MCTP1: variants seen among roughly 807,000 people sequenced by gnomAD.
MCTP1 encodes the protein multiple C2 and transmembrane domain containing 1, also known as multiple C2 and transmembrane domain-containing protein 1.
MCTP1 carries 69 observed loss-of-function variants against 120.6 expected under a neutral mutation model. The observed-to-expected ratio is 0.57, with a 90% CI of 0.47 to 0.70. The LOEUF is 0.70. MCTP1 is among the 30% of genes least tolerant of loss of function. The probability of loss-of-function intolerance (pLI) is 0.00; values close to 1 mark genes in which losing one functional copy is unlikely to be tolerated. For missense variants in MCTP1, 1,203 were observed against 1,248.8 expected, an observed-to-expected ratio of 0.96 and a Z score of 0.55; for synonymous variants, 529 against 493.1, an observed-to-expected ratio of 1.07 and a Z score of -0.96.
intron 1 of MCTP1, among the ~76,000 whole-genome samples, chr5:95,245,744 A>G (rs1405061067): frequency 2.0e-5 from 3 of 152,210 alleles, no homozygotes; most frequent in African/African-American, 4.8e-5. Context: ...GAACCAAGCT[A>G]GAAAACGCTC....
intron 19 of MCTP1, among the ~76,000 whole-genome samples, chr5:94,766,251 T>C (rs530081720): frequency 3.0e-4 from 45 of 152,168 alleles, no homozygotes; most frequent in Non-Finnish European, 5.7e-4. Flanking sequence ...CCATCTCAAA[T>C]AGCAAAGACT....
At chr5:95,088,856 A>C (rs1053576199) in intron 1 of MCTP1, among the ~76,000 whole-genome samples, 5 of 152,188 alleles carry the variant, frequency 3.3e-5, no homozygotes, top group African/African-American at 9.6e-5. Context: ...TACAACCAGG[A>C]GGGGACATAA....
rs1366760932 is a variant in MCTP1, at chr5:95,099,124, A to G, written c.721-81640T>C. On this transcript the variant is annotated intron_variant, in intron 1 of 22. Coordinates refer to ENST00000515393, the MANE Select transcript of MCTP1 (RefSeq NM_024717.7). ...TACACCTTATACAAAAATCAATTCA[A>G]GATGGATTAAAGACTTAAACGTTAG... Among the ~76,000 whole-genome samples, 5 of 152,158 alleles carry G rather than the reference A, an allele frequency of 3.3e-5. 1 individual carries two copies. The highest frequency in any genetic ancestry group is 1.2e-4 in the African/African-American group (5 of 41,500).
At chr5:94,910,444 T>C (rs1808261597) in intron 9 of MCTP1, among the ~76,000 whole-genome samples, 1 of 152,140 alleles carries the variant, frequency 6.6e-6, no homozygotes, top group Non-Finnish European at 1.5e-5. Context: ...CCTTGTTCTT[T>C]CTTTTTAGCA....
At chr5:94,978,970 A>G (rs1255168947) in intron 2 of MCTP1, 2 of 152,046 alleles carry the variant, frequency 1.3e-5, no homozygotes, top group African/African-American at 4.8e-5. Flanking sequence ...GCTGTTTGAG[A>G]TCCCTGACAT....
At chr5:95,159,011 C>G (rs976390427) in intron 1 of MCTP1, among the ~76,000 whole-genome samples, 1 of 152,042 alleles carries the variant, frequency 6.6e-6, no homozygotes, top group African/African-American at 2.4e-5. Flanking sequence ...GTATCCATAA[C>G]TTTGAGAAAA....
intron 10 of MCTP1, among the ~76,000 whole-genome samples, chr5:94,906,202 G>A (rs142228886): frequency 6.6e-6 from 1 of 152,062 alleles, no homozygotes; most frequent in African/African-American, 2.4e-5. Flanking sequence ...ATGGAAGTGG[G>A]GGCTGGGCGC....
chr5:95,017,535 T>C, intron 1 of MCTP1, 51 bp from the exon 2 acceptor site: 1 of 1,118,282 alleles, frequency 8.9e-7, no homozygotes, highest in Non-Finnish European at 1.2e-6. Flanking sequence ...TCTGTTCTAT[T>C]TTCTCTAAAG....
intron 19 of MCTP1, among the ~76,000 whole-genome samples, chr5:94,744,510 A>AT (rs34436221): frequency 0.21 from 31,002 of 148,008 alleles, 3,250 homozygotes; most frequent in South Asian, 0.31. Context: ...TTTCACTAAC[A>AT]TTTTTTTTTT....
At chr5:94,768,859 T>C (rs1773422570) in intron 19 of MCTP1, among the ~76,000 whole-genome samples, 1 of 152,136 alleles carries the variant, frequency 6.6e-6, no homozygotes, top group East Asian at 1.9e-4. Context: ...AGAACTAGCA[T>C]ATGACCCACA....
At chr5:94,993,121 G>T (rs1054688157) in intron 2 of MCTP1, among the ~76,000 whole-genome samples, 1 of 152,018 alleles carries the variant, frequency 6.6e-6, no homozygotes, top group Non-Finnish European at 1.5e-5. Context: ...TCAATACGTA[G>T]TAAGTTCCCA....
chr5:94,951,791 C>G (rs956689157), intron 3 of MCTP1, among the ~76,000 whole-genome samples: 1 of 152,162 alleles, frequency 6.6e-6, no homozygotes, highest in Non-Finnish European at 1.5e-5. Context: ...AAAGGTCTTC[C>G]CTTTCGTGGG....
Position 95,075,135 on chromosome 5 carries a change from A to G in MCTP1, c.721-57651T>C, listed in dbSNP as rs575990574. 1.2e-4 allele frequency among the ~76,000 whole-genome samples: 18 copies of G among 152,374 alleles called. No homozygotes were observed. In the South Asian group the frequency reaches 3.3e-3, roughly 28 times the overall value. On this transcript the variant is annotated intron_variant, in intron 1 of 22. Coordinates refer to ENST00000515393, the MANE Select transcript of MCTP1 (RefSeq NM_024717.7). Reference sequence around the variant, plus strand: ...TCAGGTAAAGAAAGAGATCATGGACATTTTACAGCTGGTACAACACTTTGA... The same window carrying G: ...TCAGGTAAAGAAAGAGATCATGGACGTTTTACAGCTGGTACAACACTTTGA...
At chr5:94,840,912 G>T (rs153851) in intron 17 of MCTP1, among the ~76,000 whole-genome samples, 81,321 of 151,982 alleles carry the variant, frequency 0.54, 24,342 homozygotes, top group Non-Finnish European at 0.69. Context: ...ATTTGAGGTG[G>T]ATTTTGGGGT....
At chr5:95,258,086 C>G (rs1758081328) in intron 1 of MCTP1, among the ~76,000 whole-genome samples, 1 of 152,110 alleles carries the variant, frequency 6.6e-6, no homozygotes, top group African/African-American at 2.4e-5. Context: ...TAACTTTTCA[C>G]CTTTTAAGGA....
chr5:94,991,749 C>T (rs1050255857), intron 2 of MCTP1, among the ~76,000 whole-genome samples: 10 of 151,830 alleles, frequency 6.6e-5, no homozygotes, highest in East Asian at 5.8e-4. Context: ...TGGTGGCGGG[C>T]GCCTGTAATC....
chr5:94,762,692 G>A (rs1933886113), intron 19 of MCTP1, among the ~76,000 whole-genome samples: 1 of 152,072 alleles, frequency 6.6e-6, no homozygotes, highest in South Asian at 2.1e-4. Flanking sequence ...AACATCTCTG[G>A]GAAGGAAAAT....
intron 2 of MCTP1, among the ~76,000 whole-genome samples, chr5:94,954,147 C>CAAATATATATATGCATATATATACAA (rs10671946): frequency 0.085 from 2,750 of 32,376 alleles, 845 homozygotes; most frequent in Non-Finnish European, 0.094. Flanking sequence ...CATATATATA[C>CAAATATATATATGCATATATATACAA]ATATATATAT....
intron 15 of MCTP1, 108 bp downstream of exon 15, chr5:94,870,764 A>G: frequency 3.6e-6 from 3 of 829,016 alleles, no homozygotes; most frequent in South Asian, 3.1e-5. Context: ...GGACACATGA[A>G]GGTTTAGAGA....
Sources: allele counts gnomAD v4.1 joint callset (sites outside exome capture counted in the v4.1 genomes callset), GRCh38; gene constraint gnomAD v4.1.1; transcripts MANE v1.5; gene names NCBI Gene and HGNC (gene_info 2026-07-23, HGNC 2026-07-21).